IQANK1: variants seen among roughly 807,000 people sequenced by gnomAD.
The protein encoded by IQANK1 is IQ motif and ankyrin repeat containing 1, also known as IQ motif and ankyrin repeat domain-containing protein 1.
IQANK1 carries 30 observed loss-of-function variants against 22.6 expected under a neutral mutation model. The ratio of observed to expected loss-of-function variants is 1.33; its 90% CI spans 0.99 to 1.80. IQANK1 has a LOEUF of 1.80. Among genes scored for constraint, IQANK1 ranks in the 40% most tolerant of loss-of-function variants. The probability of loss-of-function intolerance (pLI) is 0.00; values close to 1 mark genes in which losing one functional copy is unlikely to be tolerated. For missense variants in IQANK1, 275 were observed against 235.2 expected (o/e 1.17, Z -1.11); for synonymous variants, 122 against 99.6 (o/e 1.23, Z -1.34).
intron 3 of IQANK1, among the ~76,000 whole-genome samples, chr8:143,756,987 A>AAT (rs1819305443): frequency 6.6e-6 from 1 of 151,692 alleles, no homozygotes; most frequent in Admixed American, 6.6e-5. Context: ...AAAAAAAAAA[A>AAT]AGTCTTATGC....
intron 7 of IQANK1, among the ~76,000 whole-genome samples, chr8:143,787,110 C>T (rs558571327): frequency 1.6e-4 from 24 of 152,300 alleles, no homozygotes; most frequent in African/African-American, 2.9e-4. Context: ...CTTTTGTAGC[C>T]CCAGGGTTTG....
chr8:143,757,708 G>A (rs558089646), intron 3 of IQANK1, among the ~76,000 whole-genome samples: 60 of 152,102 alleles, frequency 3.9e-4, no homozygotes, highest in Non-Finnish European at 2.9e-4. Flanking sequence ...CTCTGGAGTG[G>A]CATAATCATA....
At chr8:143,753,008 T>TTG (rs1554628213) in intron 3 of IQANK1, among the ~76,000 whole-genome samples, 4 of 138,366 alleles carry the variant, frequency 2.9e-5, no homozygotes, top group African/African-American at 1.1e-4. Context: ...TTTTTTTTTT[T>TTG]TTTTTTTTTT....
At chr8:143,766,993 CG>C (rs1309353507) in intron 3 of IQANK1, among the ~76,000 whole-genome samples, 1 of 152,192 alleles carries the variant, frequency 6.6e-6, no homozygotes, top group Non-Finnish European at 1.5e-5. Flanking sequence ...CCCATATGCC[CG>C]GGGGCTGTTT....
rs935044584 is a variant in IQANK1 at position 143,758,221 on chromosome 8, T to C, written c.176-13267T>C. On this transcript the variant is annotated intron_variant, in intron 3 of 13. Coordinates refer to ENST00000527139, the MANE Select transcript of IQANK1 (RefSeq NM_001381874.1). The surrounding 1 kb of genome is among the most constrained non-coding windows in gnomAD (Gnocchi z 4.2). ...GGCTCACGCCTAAAATCCCAGCACTTTGGGAGGCCAAGGCAGGTGGATCAC... is the reference window on the plus strand; with the variant it reads ...GGCTCACGCCTAAAATCCCAGCACTCTGGGAGGCCAAGGCAGGTGGATCAC... 2.0e-5 allele frequency: 3 copies of C among 152,204 alleles called. No homozygotes were observed. The highest frequency in any genetic ancestry group is 2.9e-5 in the Non-Finnish European group (2 of 68,032). The allele number at this position is 152,204 out of a possible 1,614,324, so 9.4% of individuals were successfully genotyped here.
chr8:143,754,962 T>C (rs1587479787), intron 3 of IQANK1, among the ~76,000 whole-genome samples: 1 of 152,138 alleles, frequency 6.6e-6, no homozygotes, highest in African/African-American at 2.4e-5. Flanking sequence ...ACAGGAATGA[T>C]GGACATCACA....
intron 3 of IQANK1, among the ~76,000 whole-genome samples, chr8:143,753,949 G>A (rs1819242082): frequency 6.6e-6 from 1 of 151,640 alleles, no homozygotes; most frequent in Admixed American, 6.6e-5. Flanking sequence ...CTTTTCTACT[G>A]TTGTAGGCTG....
At chr8:143,772,593 G>A in intron 7 of IQANK1, 111 bp downstream of exon 7, 1 of 398,002 alleles carries the variant, frequency 2.5e-6, no homozygotes, top group Non-Finnish European at 4.4e-6. Context: ...AGTCTGGCAG[G>A]TGCACACCCA....
chr8:143,752,869 T>A (rs964274176), intron 3 of IQANK1, among the ~76,000 whole-genome samples: 1 of 152,196 alleles, frequency 6.6e-6, no homozygotes, highest in Non-Finnish European at 1.5e-5. Context: ...TCAGAACATA[T>A]TTTTGTTGTT....
In IQANK1 at chr8:143,789,686, G is replaced by A. The variant is rs142233038; in HGVS notation, c.1087-75G>A. On this transcript the variant is annotated intron_variant, in intron 10 of 13. Coordinates refer to ENST00000527139, the MANE Select transcript of IQANK1 (RefSeq NM_001381874.1). The stretch of plus-strand genomic sequence containing the variant: ...TGGCCTGCTTGGGGTGGGGTGGGGA[G>A]GAAGCTCGGGCAGCTGCCCTCTCCA... 3.2e-3 allele frequency: 3,903 copies of A among 1,217,570 alleles called. 10 individuals carry two copies. The highest frequency in any genetic ancestry group is 3.7e-3 in the Non-Finnish European group (3,623 of 975,046). The allele number at this position is 1,217,570 out of a possible 1,614,324, so 75.4% of individuals were successfully genotyped here.
At chr8:143,766,849 T>C (rs1819490383) in intron 3 of IQANK1, among the ~76,000 whole-genome samples, 2 of 152,186 alleles carry the variant, frequency 1.3e-5, no homozygotes, top group African/African-American at 4.8e-5. Flanking sequence ...CCATCTGGAA[T>C]TGCCTGTTGT....
At chr8:143,749,578 A>T (rs1391745036) in intron 3 of IQANK1, among the ~76,000 whole-genome samples, 2 of 127,692 alleles carry the variant, frequency 1.6e-5, no homozygotes, top group Non-Finnish European at 3.2e-5. Flanking sequence ...AATCATATAT[A>T]TATATTTTAT....
chr8:143,762,358 A>G (rs537504724), intron 3 of IQANK1, among the ~76,000 whole-genome samples: 2 of 152,200 alleles, frequency 1.3e-5, no homozygotes, highest in East Asian at 3.9e-4. Context: ...AAAAGAAAAG[A>G]AAGTTTGAGG....
intron 3 of IQANK1, among the ~76,000 whole-genome samples, chr8:143,747,908 A>G (rs1819060598): frequency 1.0e-5 from 1 of 100,060 alleles, no homozygotes; most frequent in Non-Finnish European, 2.4e-5. Flanking sequence ...TGATTGTGTT[A>G]AGTCCTTTCC....
In IQANK1 at chr8:143,761,676, C is replaced by A. The variant is rs562130004; in HGVS notation, c.176-9812C>A. On this transcript the variant is annotated intron_variant, in intron 3 of 13. Coordinates refer to ENST00000527139, the MANE Select transcript of IQANK1 (RefSeq NM_001381874.1). ...ACTCCGGAGGCTGAGGTAGGAGGAT[C>A]GCTTGAGCCCAGGGAGGTCGAGGCT... 8.0e-4 allele frequency among the ~76,000 whole-genome samples: 121 copies of A among 152,198 alleles called. 1 individual carries two copies. The highest frequency in any genetic ancestry group is 2.8e-3 in the African/African-American group (117 of 41,514).
chr8:143,779,866 A>G (rs1444317302), intron 7 of IQANK1, among the ~76,000 whole-genome samples: 1 of 152,192 alleles, frequency 6.6e-6, no homozygotes, highest in Non-Finnish European at 1.5e-5. Context: ...GAGTATCACA[A>G]TTTCTTTTAA....
chr8:143,769,202 G>A (rs537442998), intron 3 of IQANK1, among the ~76,000 whole-genome samples: 1 of 151,748 alleles, frequency 6.6e-6, no homozygotes, highest in South Asian at 2.1e-4. Context: ...CGGGACTACA[G>A]ATGCACGCCA....
chr8:143,771,747 G>C lies in IQANK1; in HGVS notation c.307-54G>C. 5.0e-6 allele frequency: 2 copies of C among 397,196 alleles called. No homozygotes were observed. The highest frequency in any genetic ancestry group is 8.9e-6 in the Non-Finnish European group (2 of 225,332). The allele number at this position is 397,196 out of a possible 1,614,324, so 24.6% of individuals were successfully genotyped here. A position where few individuals can be genotyped will look rare whatever the true frequency, so the allele number is the denominator to read the frequency against. On this transcript the variant is annotated intron_variant, in intron 4 of 13. Coordinates refer to ENST00000527139, the MANE Select transcript of IQANK1 (RefSeq NM_001381874.1). This position sits in a 1 kb window ranked among gnomAD's most constrained non-coding sequence, Gnocchi z 6.0. ...CCTCAGAGGCGTGGACCGTGGCCTC[G>C]GGGCTCGGGGCGGTGGCGCGGAGTG...
intron 3 of IQANK1, among the ~76,000 whole-genome samples, chr8:143,768,909 G>T (rs1366497337): frequency 6.6e-6 from 1 of 152,052 alleles, no homozygotes; most frequent in Admixed American, 6.6e-5. Flanking sequence ...ACTCTTTGGA[G>T]CTGGGCCCCT....
Sources: gnomAD v4.1 joint callset for allele counts (sites outside exome capture counted in the v4.1 genomes callset) on GRCh38, gnomAD v4.1.1 for gene constraint, Gnocchi (gnomAD v3.1) non-coding constraint, MANE v1.5 for transcripts, NCBI Gene and HGNC (gene_info 2026-07-23, HGNC 2026-07-21) for gene names.